PRKG1: variants seen among roughly 807,000 people sequenced by gnomAD.
PRKG1 encodes the protein protein kinase cGMP-dependent 1, also known as cGMP-dependent protein kinase 1.
PRKG1 carries 35 observed loss-of-function variants against 88.1 expected under a neutral mutation model. The observed-to-expected ratio is 0.40, with a 90% CI of 0.30 to 0.53. The LOEUF (loss-of-function observed/expected upper bound fraction) is 0.53. PRKG1 is among the 20% of genes least tolerant of loss of function. The probability of loss-of-function intolerance (pLI) is 0.59; values close to 1 mark genes in which losing one functional copy is unlikely to be tolerated. For missense variants in PRKG1, 540 were observed against 839.8 expected (o/e 0.64, Z 4.41); for synonymous variants, 303 against 292.5 (o/e 1.04, Z -0.37).
chr10:51,247,533 C>T (rs113443756), intron 2 of PRKG1, among the ~76,000 whole-genome samples: 3,406 of 151,978 alleles, frequency 0.022, 119 homozygotes, highest in African/African-American at 0.078. Flanking sequence ...AAAATTTACA[C>T]CCTTAACAAT....
chr10:51,962,600 T>A (rs1205876523), intron 5 of PRKG1, among the ~76,000 whole-genome samples: 1 of 152,198 alleles, frequency 6.6e-6, no homozygotes, highest in Admixed American at 6.5e-5. Flanking sequence ...AGACTAAATT[T>A]GGAGTTCACC....
chr10:52,262,260 G>T (rs865992177), intron 10 of PRKG1, among the ~76,000 whole-genome samples: 52 of 151,438 alleles, frequency 3.4e-4, no homozygotes, highest in African/African-American at 9.9e-4. Flanking sequence ...TATGAAGCTG[G>T]TTTTTTTTGT....
intron 5 of PRKG1, among the ~76,000 whole-genome samples, chr10:52,031,062 A>T (rs990570474): frequency 4.8e-5 from 7 of 146,088 alleles, no homozygotes; most frequent in African/African-American, 1.0e-4. Context: ...CTCAAACTTT[A>T]AAAAAAAAAA....
intron 2 of PRKG1, chr10:51,245,538 C>A (rs944431695): frequency 6.6e-5 from 10 of 152,108 alleles, no homozygotes; most frequent in Admixed American, 2.0e-4. Flanking sequence ...TTCAATACTT[C>A]TCTTCTTTGA....
intron 5 of PRKG1, among the ~76,000 whole-genome samples, chr10:51,973,807 G>A (rs556255166): frequency 2.0e-5 from 3 of 152,168 alleles, no homozygotes; most frequent in South Asian, 4.1e-4. Flanking sequence ...TCAGAGTAGC[G>A]ACAATTGGTT....
intron 5 of PRKG1, among the ~76,000 whole-genome samples, chr10:52,028,087 C>T (rs1845387806): frequency 6.6e-6 from 1 of 152,156 alleles, no homozygotes; most frequent in South Asian, 2.1e-4. Flanking sequence ...CTGCGCCCAG[C>T]CCGTCTATAT....
chr10:51,747,127 G>A (rs932031672), intron 3 of PRKG1, among the ~76,000 whole-genome samples: 1 of 152,200 alleles, frequency 6.6e-6, no homozygotes, highest in African/African-American at 2.4e-5. Context: ...GTGGAGAGGA[G>A]AGGAAAGAAT....
intron 4 of PRKG1, among the ~76,000 whole-genome samples, chr10:51,820,362 T>A (rs1348256085): frequency 1.3e-5 from 2 of 152,184 alleles, no homozygotes; most frequent in Non-Finnish European, 2.9e-5. Context: ...GGATTCTTAG[T>A]TCTGTGAGAC....
At chr10:51,426,836 G>A (rs1035284653) in intron 2 of PRKG1, among the ~76,000 whole-genome samples, 2 of 152,174 alleles carry the variant, frequency 1.3e-5, no homozygotes, top group Admixed American at 1.3e-4. Context: ...ATTTGTGCAA[G>A]GTGGACTTAC....
Position 51,467,855 on chromosome 10 carries a change from T to C in PRKG1, c.592+19T>C. ...GTCAAGAGTAAGACTATTTTCATATTTTTAAAATATTTTCAATGTCTTTTC... is the reference window on the plus strand; with the variant it reads ...GTCAAGAGTAAGACTATTTTCATATCTTTAAAATATTTTCAATGTCTTTTC... On this transcript the variant is annotated intron_variant, in intron 3 of 17. Coordinates refer to ENST00000373980, the MANE Select transcript of PRKG1 (RefSeq NM_006258.4). The C allele has an allele frequency of 6.4e-7, 1 of 1,572,534 alleles. No individual in the cohort carries two copies. Among genetic ancestry groups the C allele is most frequent in the Non-Finnish European group, 8.7e-7 (1 of 1,143,024 alleles).
At chr10:51,997,050 G>A (rs775927688) in intron 5 of PRKG1, among the ~76,000 whole-genome samples, 4 of 150,394 alleles carry the variant, frequency 2.7e-5, no homozygotes, top group Admixed American at 1.3e-4. Context: ...TCACTCAGAT[G>A]TGGAACCTAA....
intron 2 of PRKG1, among the ~76,000 whole-genome samples, chr10:51,419,804 A>AT (rs1415273874): frequency 0.051 from 7,294 of 142,174 alleles, 329 homozygotes; most frequent in African/African-American, 0.12. Flanking sequence ...AGAGCCAATA[A>AT]TTTTTTTTTT....
chr10:51,009,918 A>C (rs1373641597), intron 1 of PRKG1, among the ~76,000 whole-genome samples: 1 of 152,204 alleles, frequency 6.6e-6, no homozygotes, highest in Non-Finnish European at 1.5e-5. Flanking sequence ...CTTTGCTTTG[A>C]TTCTCATACG....
chr10:51,291,426 G>A (rs913082185), intron 2 of PRKG1, among the ~76,000 whole-genome samples: 11 of 142,260 alleles, frequency 7.7e-5, no homozygotes, highest in African/African-American at 2.2e-4. Flanking sequence ...ACAAGATAAC[G>A]GTAACTGTAG....
chr10:51,124,674 A>C lies in PRKG1; in HGVS notation c.312-28490A>C, dbSNP rs139416511. 2.0e-3 allele frequency among the ~76,000 whole-genome samples: 312 copies of C among 152,334 alleles called. 2 individuals are homozygous for C. The highest frequency in any genetic ancestry group is 7.3e-3 in the African/African-American group (302 of 41,584). On this transcript the variant is annotated intron_variant, in intron 1 of 17. Transcript: ENST00000373980. ...GTATGAAATTTGTTCTTAGATTGAC[A>C]GTATTACTTCACCATGTAAAACAAG...
chr10:51,762,745 C>T (rs1419756352), intron 3 of PRKG1, among the ~76,000 whole-genome samples: 1 of 152,192 alleles, frequency 6.6e-6, no homozygotes. Context: ...ACAATCCTTG[C>T]TCTCTTTTAG....
intron 3 of PRKG1, among the ~76,000 whole-genome samples, chr10:51,733,393 C>G (rs1253288954): frequency 6.6e-6 from 1 of 152,158 alleles, no homozygotes; most frequent in African/African-American, 2.4e-5. Context: ...CAGGATTCTT[C>G]TTGATGTTAT....
intron 3 of PRKG1, among the ~76,000 whole-genome samples, chr10:51,748,323 GC>G (rs1837632813): frequency 6.6e-6 from 1 of 152,124 alleles, no homozygotes; most frequent in African/African-American, 2.4e-5. Context: ...TTATAGTTTG[GC>G]CTGTTGTGTA....
chr10:52,166,819 G>GTATGTATATGTA (rs1838470599), intron 9 of PRKG1, among the ~76,000 whole-genome samples: 1 of 55,314 alleles, frequency 1.8e-5, no homozygotes, highest in Non-Finnish European at 4.1e-5. Flanking sequence ...GTATATATAT[G>GTATGTATATGTA]TATATATATG....
Sources: allele counts gnomAD v4.1 joint callset (sites outside exome capture counted in the v4.1 genomes callset), GRCh38; gene constraint gnomAD v4.1.1; transcripts MANE v1.5; gene names NCBI Gene and HGNC (gene_info 2026-07-23, HGNC 2026-07-21).